The following TENM3 variants were observed in gnomAD, a reference collection of about 807,000 sequenced individuals.
TENM3 encodes the protein teneurin-3.
TENM3 carries 63 observed loss-of-function variants against 255.1 expected under a neutral mutation model. The ratio of observed to expected loss-of-function variants is 0.25; its 90% CI spans 0.20 to 0.30. TENM3 has a LOEUF of 0.30. Ranked by LOEUF, TENM3 falls within the 10% of genes least tolerant of loss-of-function variation. The pLI is 1.00. For synonymous variants in TENM3, 1,306 were observed against 1,322.3 expected (o/e 0.99, Z 0.27); for missense variants, 2,929 against 3,461.1 (o/e 0.85, Z 3.86).
At chr4:182,458,034 A>T (rs1774010007) in intron 3 of TENM3, among the ~76,000 whole-genome samples, 1 of 152,230 alleles carries the variant, frequency 6.6e-6, no homozygotes, top group Admixed American at 6.5e-5. Flanking sequence ...TGTTACAAAC[A>T]TTCTCATATT....
At chr4:181,669,866 G>A in the TENM3 span, among the ~76,000 whole-genome samples, 1 of 152,086 alleles carries the variant, frequency 6.6e-6, no homozygotes, top group Non-Finnish European at 1.5e-5. Context: ...ACTTCGGTGT[G>A]TATCAGCCTG....
chr4:181,585,811 C>T, the TENM3 span, among the ~76,000 whole-genome samples: 2 of 152,150 alleles, frequency 1.3e-5, no homozygotes, highest in Non-Finnish European at 2.9e-5. Flanking sequence ...ATATATTCTG[C>T]TTCCTCCATA....
chr4:181,778,345 AT>A, the TENM3 span, among the ~76,000 whole-genome samples: 1 of 152,266 alleles, frequency 6.6e-6, no homozygotes, highest in African/African-American at 2.4e-5. Context: ...TAGTATTAGT[AT>A]TTTTATTGTA....
intron 1 of TENM3, among the ~76,000 whole-genome samples, chr4:182,283,158 C>T (rs1760505368): frequency 6.6e-6 from 1 of 152,124 alleles, no homozygotes; most frequent in South Asian, 2.1e-4. Flanking sequence ...GTAATCTGCT[C>T]CTTTTTCCTT....
At chr4:181,940,617 C>G in the TENM3 span, among the ~76,000 whole-genome samples, 1 of 152,114 alleles carries the variant, frequency 6.6e-6, no homozygotes, top group Non-Finnish European at 1.5e-5. Context: ...GATAAGACTG[C>G]AATTTTATGA....
chr4:182,686,736 G>A (rs906563427), intron 11 of TENM3, among the ~76,000 whole-genome samples: 5 of 151,960 alleles, frequency 3.3e-5, no homozygotes, highest in South Asian at 2.1e-4. Context: ...AAAGATTGAC[G>A]CACCTTGCTC....
At chr4:182,736,063 G>T (rs983788168) in intron 16 of TENM3, among the ~76,000 whole-genome samples, 1 of 152,128 alleles carries the variant, frequency 6.6e-6, no homozygotes, top group Non-Finnish European at 1.5e-5. Context: ...AGGATAAATT[G>T]TATGGAGCTT....
At chr4:182,055,372 T>TAAATAA in the TENM3 span, among the ~76,000 whole-genome samples, 1 of 151,736 alleles carries the variant, frequency 6.6e-6, no homozygotes, top group African/African-American at 2.4e-5. Context: ...AATAAATAAA[T>TAAATAA]AAATAGACCT....
At chr4:182,005,101 T>C in the TENM3 span, among the ~76,000 whole-genome samples, 2 of 152,354 alleles carry the variant, frequency 1.3e-5, no homozygotes, top group African/African-American at 4.8e-5. Flanking sequence ...TTTTGGCTTT[T>C]GTTGCAATTG....
At chr4:181,606,242 A>G in the TENM3 span, among the ~76,000 whole-genome samples, 1 of 152,160 alleles carries the variant, frequency 6.6e-6, no homozygotes, top group African/African-American at 2.4e-5. Context: ...GAGCAGCCAA[A>G]GGGACAGTCA....
chr4:181,965,045 C>T, the TENM3 span, among the ~76,000 whole-genome samples: 23 of 152,066 alleles, frequency 1.5e-4, no homozygotes, highest in Non-Finnish European at 2.8e-4. Flanking sequence ...ATTTCTGAAA[C>T]TAAAAAATCC....
chr4:181,540,318 A>G, the TENM3 span, among the ~76,000 whole-genome samples: 3 of 152,214 alleles, frequency 2.0e-5, no homozygotes, highest in African/African-American at 7.2e-5. Context: ...AATTCAATAA[A>G]TAAATAATAA....
chr4:181,518,359 T>C, the TENM3 span, among the ~76,000 whole-genome samples: 1 of 152,114 alleles, frequency 6.6e-6, no homozygotes, highest in African/African-American at 2.4e-5. Flanking sequence ...AGATGGTATA[T>C]ATTCTTTGCT....
chr4:182,163,161 T>C (rs917327107), intron 1 of TENM3, among the ~76,000 whole-genome samples: 5 of 152,166 alleles, frequency 3.3e-5, no homozygotes, highest in African/African-American at 1.2e-4. Context: ...CCATCCTCAC[T>C]GGCAGTTTCC....
At chr4:182,527,697 G>A (rs141638002) in intron 3 of TENM3, among the ~76,000 whole-genome samples, 5 of 151,840 alleles carry the variant, frequency 3.3e-5, no homozygotes, top group African/African-American at 1.2e-4. Context: ...AAGGAGTTAA[G>A]TCAAAGTTTG....
chr4:182,107,373 G>A, the TENM3 span, among the ~76,000 whole-genome samples: 1 of 152,216 alleles, frequency 6.6e-6, no homozygotes, highest in Non-Finnish European at 1.5e-5. Flanking sequence ...TACGCCCCGG[G>A]TGTCACATGA....
At chr4:182,430,875 G>T (rs1771580383) in intron 3 of TENM3, among the ~76,000 whole-genome samples, 1 of 151,912 alleles carries the variant, frequency 6.6e-6, no homozygotes, top group Non-Finnish European at 1.5e-5. Context: ...AACTGGGCAT[G>T]GTGGTGGGCA....
At chr4:181,819,029 T>C in the TENM3 span, among the ~76,000 whole-genome samples, 2 of 152,164 alleles carry the variant, frequency 1.3e-5, no homozygotes, top group Non-Finnish European at 2.9e-5. Flanking sequence ...AGAACTCCCC[T>C]TCATTGCCAT....
At chr4:182,149,828 T>C (rs1242421401) in intron 1 of TENM3, among the ~76,000 whole-genome samples, 1 of 152,102 alleles carries the variant, frequency 6.6e-6, no homozygotes, top group Non-Finnish European at 1.5e-5. Flanking sequence ...ATGTGGCATT[T>C]ATTACTATTA....
Sources: allele counts gnomAD v4.1 joint callset (sites outside exome capture counted in the v4.1 genomes callset), GRCh38; gene constraint gnomAD v4.1.1; transcripts MANE v1.5; gene names NCBI Gene and HGNC (gene_info 2026-07-23, HGNC 2026-07-21).